The following PRKCE variants were observed in gnomAD, a reference collection of about 807,000 sequenced individuals.
PRKCE encodes the protein protein kinase C epsilon type.
PRKCE carries 16 observed loss-of-function variants against 85.4 expected under a neutral mutation model. The observed-to-expected ratio is 0.19, with a 90% CI of 0.13 to 0.28. The LOEUF is 0.28. Among genes scored for constraint, PRKCE ranks in the 10% least tolerant of loss-of-function variants. The probability of loss-of-function intolerance (pLI) is 1.00; values close to 1 mark genes in which losing one functional copy is unlikely to be tolerated. For synonymous variants in PRKCE, 388 were observed against 371.5 expected (o/e 1.04, Z -0.51); for missense variants, 573 against 975.2 (o/e 0.59, Z 5.49).
intron 1 of PRKCE, among the ~76,000 whole-genome samples, chr2:45,825,596 G>T (rs1374347243): frequency 2.6e-5 from 4 of 152,176 alleles, no homozygotes; most frequent in Non-Finnish European, 5.9e-5. Flanking sequence ...AAAAACTACA[G>T]TATGCAGCTG....
At chr2:45,769,968 C>T (rs1047963153) in intron 1 of PRKCE, among the ~76,000 whole-genome samples, 8 of 152,254 alleles carry the variant, frequency 5.3e-5, no homozygotes, top group Admixed American at 6.5e-5. Flanking sequence ...CACACGTGCA[C>T]CCCGTACTGT....
chr2:45,793,185 G>T (rs1687166482), intron 1 of PRKCE, among the ~76,000 whole-genome samples: 1 of 152,230 alleles, frequency 6.6e-6, no homozygotes, highest in Non-Finnish European at 1.5e-5. Flanking sequence ...GTCCTGGAAA[G>T]CTCTTTGCTG....
At chr2:45,702,863 G>A (rs998819780) in intron 1 of PRKCE, among the ~76,000 whole-genome samples, 1 of 152,154 alleles carries the variant, frequency 6.6e-6, no homozygotes, top group Non-Finnish European at 1.5e-5. Flanking sequence ...GGGAGTAGAA[G>A]GGCTAAAAGC....
intron 1 of PRKCE, among the ~76,000 whole-genome samples, chr2:45,764,809 C>T (rs534152633): frequency 2.0e-5 from 3 of 152,092 alleles, no homozygotes; most frequent in African/African-American, 7.2e-5. Flanking sequence ...ATGAATTAGA[C>T]TATATATATA....
chr2:45,976,424 C>T lies in PRKCE; in HGVS notation c.413-5C>T, dbSNP rs1016773532. Reference sequence around the variant, plus strand: ...GTTTTCTTCCCTGCTCTTGTCCTTCCCCAGCCCCTAAAGACAATGAAGAGC... The same window carrying T: ...GTTTTCTTCCCTGCTCTTGTCCTTCTCCAGCCCCTAAAGACAATGAAGAGC... On this transcript the variant is annotated splice_polypyrimidine_tract_variant and splice_region_variant and intron_variant, in intron 2 of 14. Transcript: ENST00000306156. 3.1e-6 allele frequency: 5 copies of T among 1,599,228 alleles called. No homozygotes were observed. The highest frequency in any genetic ancestry group is 8.5e-7 in the Non-Finnish European group (1 of 1,179,554).
chr2:45,752,975 G>T (rs552161712), intron 1 of PRKCE, among the ~76,000 whole-genome samples: 1 of 152,278 alleles, frequency 6.6e-6, no homozygotes, highest in East Asian at 1.9e-4. Context: ...GGTCCTTGGG[G>T]TTTATGGAGC....
In PRKCE at chr2:46,159,365, C is replaced by T. The variant is rs1677532409; in HGVS notation, c.1921-241C>T. Among the ~76,000 whole-genome samples, 1 of 152,164 alleles carries T rather than the reference C, an allele frequency of 6.6e-6. No homozygotes were observed. The highest frequency in any genetic ancestry group is 2.4e-5 in the African/African-American group (1 of 41,444). On this transcript the variant is annotated intron_variant, in intron 13 of 14. Coordinates refer to ENST00000306156, the MANE Select transcript of PRKCE (RefSeq NM_005400.3). The surrounding 1 kb of genome is among the most constrained non-coding windows in gnomAD (Gnocchi z 4.1). ...TATAATATAGAGACAATGATAGTAC[C>T]TCGTAGGGCATTAGGATGAAATGAG...
At position 46,129,961 on chromosome 2, in the gene PRKCE, G is replaced by T. The variant is rs191222419; in HGVS notation, c.1593-15132G>T. On this transcript the variant is annotated intron_variant, in intron 11 of 14. Transcript: ENST00000306156. Reference sequence around the variant, plus strand: ...GTGTATATCTTAACAGCTAATCTCTGGCAATAAAAGCTGTTTGACAGTCAT... The same window carrying T: ...GTGTATATCTTAACAGCTAATCTCTTGCAATAAAAGCTGTTTGACAGTCAT... 7.9e-4 allele frequency among the ~76,000 whole-genome samples: 120 copies of T among 152,320 alleles called. 3 individuals are homozygous for T. Among genetic ancestry groups the T allele is most frequent in the African/African-American group, 2.8e-3 (116 of 41,572 alleles).
At position 46,184,834 on chromosome 2, in the gene PRKCE, G is replaced by C; in HGVS notation, c.2167G>C (p.Glu723Gln). ...DEAIVKQINQ[E>Q]EFKGFSYFGE... Reference sequence around the variant, plus strand: ...AGCAATTGTAAAGCAGATCAACCAGGAGGAATTCAAAGGTTTCTCCTACTT... The same window carrying C: ...AGCAATTGTAAAGCAGATCAACCAGCAGGAATTCAAAGGTTTCTCCTACTT... The change falls in exon 15 of 15, where the codon GAG becomes CAG. Residue 723 changes from glutamate (E) to glutamine (Q), a missense_variant. By Grantham distance (29) the Glu-to-Gln change is conservative. This residue lies in a region of PRKCE where 45 missense variants were observed against 39.1 expected (regional missense o/e 1.15). Coordinates refer to ENST00000306156, the MANE Select transcript of PRKCE (RefSeq NM_005400.3). This position sits in a 1 kb window ranked among gnomAD's most constrained non-coding sequence, Gnocchi z 5.0. 1 of 1,599,786 alleles carries C rather than the reference G, an allele frequency of 6.3e-7. No individual in the cohort carries two copies. Among genetic ancestry groups the C allele is most frequent in the Non-Finnish European group, 8.5e-7 (1 of 1,179,960 alleles).
At chr2:46,058,621 A>G (rs1666827919) in intron 10 of PRKCE, among the ~76,000 whole-genome samples, 1 of 152,114 alleles carries the variant, frequency 6.6e-6, no homozygotes, top group Non-Finnish European at 1.5e-5. Flanking sequence ...CGGACTACTC[A>G]CCATCAAGAC....
intron 1 of PRKCE, among the ~76,000 whole-genome samples, chr2:45,654,729 G>A (rs1165822870): frequency 6.6e-6 from 1 of 152,238 alleles, no homozygotes. Context: ...GATGAGTCAA[G>A]CAGTGGAGCA....
chr2:45,687,114 A>G (rs1221169357), intron 1 of PRKCE, among the ~76,000 whole-genome samples: 1 of 152,108 alleles, frequency 6.6e-6, no homozygotes, highest in Non-Finnish European at 1.5e-5. Context: ...TCCAAAAACA[A>G]AACAAAACAA....
intron 1 of PRKCE, among the ~76,000 whole-genome samples, chr2:45,831,473 G>T (rs1054328542): frequency 1.3e-5 from 2 of 152,156 alleles, no homozygotes; most frequent in Non-Finnish European, 2.9e-5. Context: ...CAATGTGGAG[G>T]GTCAAGGGAT....
At chr2:45,892,249 G>C (rs1046113970) in intron 2 of PRKCE, among the ~76,000 whole-genome samples, 1 of 152,196 alleles carries the variant, frequency 6.6e-6, no homozygotes, top group South Asian at 2.1e-4. Flanking sequence ...CATGGCCCAA[G>C]TGTGCATTGC....
chr2:46,121,769 G>T (rs945607546), intron 11 of PRKCE, among the ~76,000 whole-genome samples: 1 of 152,122 alleles, frequency 6.6e-6, no homozygotes, highest in Non-Finnish European at 1.5e-5. Flanking sequence ...GCAGGGCCTC[G>T]TACACCTAAA....
chr2:45,821,459 C>G (rs1292337745), intron 1 of PRKCE, among the ~76,000 whole-genome samples: 1 of 152,098 alleles, frequency 6.6e-6, no homozygotes, highest in African/African-American at 2.4e-5. Context: ...TGGAACCTAC[C>G]TGGGGACTAG....
intron 1 of PRKCE, among the ~76,000 whole-genome samples, chr2:45,656,350 G>C (rs1675379518): frequency 6.6e-6 from 1 of 152,274 alleles, no homozygotes; most frequent in Admixed American, 6.5e-5. Context: ...GGAAACATTG[G>C]AGTAGGAAAA....
chr2:45,960,401 T>G (rs1272507566), intron 2 of PRKCE, among the ~76,000 whole-genome samples: 1 of 152,194 alleles, frequency 6.6e-6, no homozygotes, highest in Non-Finnish European at 1.5e-5. Context: ...TTCCCCAACC[T>G]TTTGGTACCA....
At chr2:46,066,851 G>A (rs1024368360) in intron 10 of PRKCE, among the ~76,000 whole-genome samples, 2 of 152,154 alleles carry the variant, frequency 1.3e-5, no homozygotes. Flanking sequence ...TTTTAACTAA[G>A]TTGGCAGAGT....
Sources: gnomAD v4.1 joint callset for allele counts (sites outside exome capture counted in the v4.1 genomes callset) on GRCh38, gnomAD v4.1.1 for gene constraint, gnomAD v4.1.1 regional missense constraint, Gnocchi (gnomAD v3.1) non-coding constraint, MANE v1.5 for transcripts, NCBI Gene and HGNC (gene_info 2026-07-23, HGNC 2026-07-21) for gene names.